CD34: variants seen among roughly 807,000 people sequenced by gnomAD.
CD34 encodes the protein hematopoietic progenitor cell antigen CD34.
CD34 carries 34 observed loss-of-function variants against 40.1 expected under a neutral mutation model. That is an observed-to-expected ratio of 0.85 (90% CI 0.65 to 1.13). The LOEUF (loss-of-function observed/expected upper bound fraction) is 1.13. Among genes scored for constraint, CD34 ranks in the 50% most tolerant of loss-of-function variants. The pLI is 0.00. For synonymous variants in CD34, 209 were observed against 190.0 expected (o/e 1.10, Z -0.82); for missense variants, 426 against 466.9 (o/e 0.91, Z 0.81).
chr1:207,906,523 T>C (rs1037372371), intron 1 of CD34, among the ~76,000 whole-genome samples: 1 of 152,102 alleles, frequency 6.6e-6, no homozygotes, highest in Non-Finnish European at 1.5e-5. Context: ...GGGTTCCCAG[T>C]GTACCGAGAT....
intron 1 of CD34, 62 bp from the exon 2 acceptor site, chr1:207,900,065 A>G: frequency 7.6e-7 from 1 of 1,310,410 alleles, no homozygotes; most frequent in Non-Finnish European, 1.1e-6. Context: ...ATATCACCTG[A>G]TGCAATTTCC....
chr1:207,892,343 C>T (rs755124168), intron 4 of CD34, among the ~76,000 whole-genome samples: 70 of 152,070 alleles, frequency 4.6e-4, no homozygotes, highest in Non-Finnish European at 8.2e-4. Flanking sequence ...TTTGGGAGGC[C>T]GAGATGGACA....
At chr1:207,891,599 C>T (rs1242217628) in intron 4 of CD34, among the ~76,000 whole-genome samples, 1 of 151,812 alleles carries the variant, frequency 6.6e-6, no homozygotes, top group African/African-American at 2.4e-5. Context: ...GGGAGGGTCT[C>T]TCCACCCTGA....
In CD34 at chr1:207,899,953, G is replaced by A. The variant is rs1487523913; in HGVS notation, c.130C>T (p.Pro44Ser). The change falls in exon 2 of 8, where the codon CCT becomes TCT. Residue 44 changes from proline to serine, a missense_variant. Physicochemically the swap from Pro to Ser is moderately conservative, Grantham distance 74. Transcript: ENST00000310833. Reference sequence around the variant, plus strand: ...ACATTTGAAAATGTTCCCTGGGTAGGTAACTCTGGGGTAGCAGTACCGTTG... The same window carrying A: ...ACATTTGAAAATGTTCCCTGGGTAGATAACTCTGGGGTAGCAGTACCGTTG... The part of the protein sequence containing the change: ...DNNGTATPEL[P>S]TQGTFSNVST... 6.2e-7 allele frequency: 1 copy of A among 1,613,712 alleles called. No individual in the cohort carries two copies. The highest frequency in any genetic ancestry group is 8.5e-7 in the Non-Finnish European group (1 of 1,179,738).
Position 207,887,440 on chromosome 1 carries a change from T to G in CD34, c.*298A>C. 3.0e-6 allele frequency: 1 copy of G among 333,358 alleles called. No individual in the cohort carries two copies. Among genetic ancestry groups the G allele is most frequent in the Non-Finnish European group, 5.5e-6 (1 of 181,892 alleles). The allele number at this position is 333,358 out of a possible 1,614,324, so 20.7% of individuals were successfully genotyped here. On this transcript the variant is annotated 3_prime_UTR_variant, in exon 8 of 8. Coordinates refer to ENST00000310833, the MANE Select transcript of CD34 (RefSeq NM_001025109.2). ...GAGGGGGTAGGGGAAGGGGGTCCTG[T>G]GTGAGTGCTGCAAGGCCATCGATTG...
In CD34 at chr1:207,881,659, C is replaced by CAAAAAAAAAAAAA; in HGVS notation, c.*6066_*6078dup. 1.4e-5 allele frequency: 1 copy of CAAAAAAAAAAAAA among 69,034 alleles called. No homozygotes were observed. Among genetic ancestry groups the CAAAAAAAAAAAAA allele is most frequent in the Non-Finnish European group, 3.0e-5 (1 of 33,770 alleles). The allele number at this position is 69,034 out of a possible 1,614,324, so 4.3% of individuals were successfully genotyped here. On this transcript the variant is annotated 3_prime_UTR_variant, in exon 8 of 8. Transcript: ENST00000310833. ...TGGGTGACAGAGCGAGACTCCGTCT[C>CAAAAAAAAAAAAA]AAAAAAAAAAAAAAAAAAAAAGAAT... is the stretch of plus-strand genomic sequence containing the variant.
rs556737151 is a variant in CD34 at position 207,899,217 on chromosome 1, A to C, written c.272T>G (p.Val91Gly). ...TATCACAGAGGTAGATGTGAATTTG[A>C]CTGTCGTTTCTGGAAGAGACCAAAA... Reference protein sequence around the residue: ...EATTNITETTVKFTSTSVITS... With the variant: ...EATTNITETTGKFTSTSVITS... Residue 91 changes from valine to glycine, a missense_variant, in exon 3 of 8, where the codon GTC (valine) becomes GGC (glycine). Coordinates refer to ENST00000310833, the MANE Select transcript of CD34 (RefSeq NM_001025109.2). 12 of 1,614,122 alleles carry C rather than the reference A, an allele frequency of 7.4e-6. 1 individual carries two copies. The African/African-American group carries it at 8.0e-5, about 11-fold the overall frequency.
chr1:207,888,532 C>T (rs188941821), intron 7 of CD34, 150 bp downstream of exon 7: 249 of 798,326 alleles, frequency 3.1e-4, no homozygotes, highest in East Asian at 7.3e-4. Context: ...AATCTTCCAC[C>T]GATTACTGTG....
Position 207,887,709 on chromosome 1 carries a change from A to G in CD34, c.*29T>C. 2 of 1,613,706 alleles carry G rather than the reference A, an allele frequency of 1.2e-6. No homozygotes were observed. The highest frequency in any genetic ancestry group is 1.7e-6 in the Non-Finnish European group (2 of 1,179,758). ...TGCAGAGAGGGGTGCTCTCTCGGAC[A>G]CTGCCCAGCCTTGCCCCACCTAGCC... On this transcript the variant is annotated 3_prime_UTR_variant, in exon 8 of 8. Coordinates refer to ENST00000310833, the MANE Select transcript of CD34 (RefSeq NM_001025109.2).
chr1:207,909,982 T>C (rs1023111441), intron 1 of CD34, among the ~76,000 whole-genome samples: 4 of 152,294 alleles, frequency 2.6e-5, no homozygotes, highest in Middle Eastern at 3.4e-3. Flanking sequence ...AGTACAGAAT[T>C]GGGAGCCCTA....
At chr1:207,899,287 C>T (rs1662221565) in intron 2 of CD34, 61 bp from the exon 3 acceptor site, 2 of 1,573,414 alleles carry the variant, frequency 1.3e-6, no homozygotes, top group Admixed American at 1.7e-5. Context: ...CACAAAATCT[C>T]AGGTCATGAT....
rs201716330 is a variant in CD34 at position 207,889,448 on chromosome 1, G to A, written c.754+17C>T. ...CCCTACTCCTTCCCTGTTCCCCCAG[G>A]CAGAGGTGCACCTTACCTGTTCTGT... On this transcript the variant is annotated intron_variant, in intron 5 of 7. Coordinates refer to ENST00000310833, the MANE Select transcript of CD34 (RefSeq NM_001025109.2). The A allele has an allele frequency of 9.7e-5, 155 of 1,601,264 alleles. 5 individuals carry two copies. Among genetic ancestry groups the A allele is most frequent in the East Asian group, 9.0e-4 (40 of 44,670 alleles).
intron 1 of CD34, among the ~76,000 whole-genome samples, chr1:207,909,385 CCT>C (rs753132571): frequency 1.4e-4 from 22 of 152,134 alleles, no homozygotes; most frequent in East Asian, 1.9e-4. Context: ...CCAACTCACC[CCT>C]GTTTTTTTGT....
chr1:207,891,540 G>A (rs1358391542), intron 4 of CD34, among the ~76,000 whole-genome samples: 2 of 151,612 alleles, frequency 1.3e-5, no homozygotes, highest in Non-Finnish European at 2.9e-5. Context: ...AAATTCAACC[G>A]GGTGTGGTGG....
intron 1 of CD34, among the ~76,000 whole-genome samples, chr1:207,908,393 G>T (rs1201701103): frequency 6.6e-6 from 1 of 152,254 alleles, no homozygotes; most frequent in Non-Finnish European, 1.5e-5. Flanking sequence ...TTAGTCAGAG[G>T]TCCCCAAGCC....
chr1:207,903,964 T>C (rs559425699), intron 1 of CD34, among the ~76,000 whole-genome samples: 47 of 151,852 alleles, frequency 3.1e-4, no homozygotes, highest in African/African-American at 1.1e-3. Context: ...GACATGTTCA[T>C]GATACATCTG....
Position 207,887,627 on chromosome 1 carries a change from G to T in CD34, c.*111C>A. The T allele has an allele frequency of 6.8e-7, 1 of 1,475,936 alleles. No homozygotes were observed. The allele number at this position is 1,475,936 out of a possible 1,614,324, so 91.4% of individuals were successfully genotyped here. A position where few individuals can be genotyped will look rare whatever the true frequency, so the allele number is the denominator to read the frequency against. On this transcript the variant is annotated 3_prime_UTR_variant, in exon 8 of 8. Transcript: ENST00000310833. ...AACAGCCTCTGAGGTGTGTGCAGTG[G>T]GGAAGGGTTGGGCGTAAGAGATGTC...
chr1:207,891,328 G>A (rs1175577311), intron 4 of CD34, among the ~76,000 whole-genome samples: 1 of 152,156 alleles, frequency 6.6e-6, no homozygotes, highest in Non-Finnish European at 1.5e-5. Flanking sequence ...GGTGGGGATT[G>A]GGAGGTATCT....
chr1:207,893,625 T>C (rs1211211919), intron 4 of CD34, among the ~76,000 whole-genome samples: 2 of 152,180 alleles, frequency 1.3e-5, no homozygotes, highest in African/African-American at 2.4e-5. Flanking sequence ...AACTGACCTT[T>C]AGTGCAAGCT....
Sources: allele counts gnomAD v4.1 joint callset (sites outside exome capture counted in the v4.1 genomes callset), GRCh38; gene constraint gnomAD v4.1.1; transcripts MANE v1.5; gene names NCBI Gene and HGNC (gene_info 2026-07-23, HGNC 2026-07-21).